ATP6V1E2: variants seen among roughly 807,000 people sequenced by gnomAD.
The protein encoded by ATP6V1E2 is ATPase H+ transporting V1 subunit E2.
For missense variants in ATP6V1E2, 308 were observed against 273.3 expected (o/e 1.13, Z -0.90); for synonymous variants, 121 against 104.2 (o/e 1.16, Z -0.98).
At chr2:46,533,201 G>T (rs1377567008) in intron 4 of ATP6V1E2, among the ~76,000 whole-genome samples, 1 of 131,740 alleles carries the variant, frequency 7.6e-6, no homozygotes, top group African/African-American at 2.9e-5. Flanking sequence ...GTGCATGTAT[G>T]TGTAGATAGA....
chr2:46,533,376 G>A (rs555000994), intron 4 of ATP6V1E2, among the ~76,000 whole-genome samples: 7 of 152,118 alleles, frequency 4.6e-5, no homozygotes, highest in East Asian at 1.9e-4. Context: ...GGGCTCAAGT[G>A]ATCTTTCCAC....
At chr2:46,524,749 C>A (rs1411166663) in intron 4 of ATP6V1E2, among the ~76,000 whole-genome samples, 1 of 152,028 alleles carries the variant, frequency 6.6e-6, no homozygotes, top group East Asian at 1.9e-4. Flanking sequence ...GAGAACACTG[C>A]GGGCAAAGGC....
chr2:46,541,629 A>G (rs1009979126), intron 1 of ATP6V1E2, 176 bp from the exon 2 acceptor site: 12 of 152,230 alleles, frequency 7.9e-5, no homozygotes, highest in African/African-American at 2.9e-4. Context: ...CTGCCTCTCA[A>G]TGCTGCATTT....
intron 4 of ATP6V1E2, among the ~76,000 whole-genome samples, chr2:46,527,202 C>T (rs1403327805): frequency 6.6e-6 from 1 of 152,050 alleles, no homozygotes; most frequent in African/African-American, 2.4e-5. Context: ...TACAGGTGCA[C>T]ACCATCGTGT....
At chr2:46,525,758 A>G (rs1269494121) in intron 4 of ATP6V1E2, among the ~76,000 whole-genome samples, 5 of 152,222 alleles carry the variant, frequency 3.3e-5, no homozygotes, top group African/African-American at 1.2e-4. Flanking sequence ...CTTTCTCCCA[A>G]AATAATTTAC....
chr2:46,532,517 A>G (rs1667233779), intron 4 of ATP6V1E2, among the ~76,000 whole-genome samples: 1 of 152,128 alleles, frequency 6.6e-6, no homozygotes, highest in Non-Finnish European at 1.5e-5. Flanking sequence ...TCCAAAATTT[A>G]TGTTGGAACT....
intron 4 of ATP6V1E2, among the ~76,000 whole-genome samples, chr2:46,527,711 T>G (rs1421297871): frequency 6.6e-6 from 1 of 152,098 alleles, no homozygotes; most frequent in Admixed American, 6.5e-5. Context: ...ATAATAGCCA[T>G]CCTAATGGAT....
At chr2:46,519,836 C>T (rs1417061704) in intron 4 of ATP6V1E2, 1 of 152,194 alleles carries the variant, frequency 6.6e-6, no homozygotes, top group African/African-American at 2.4e-5. Flanking sequence ...CATAGTTGTT[C>T]TGTGTGTACA....
chr2:46,524,630 G>A (rs1226834986), intron 4 of ATP6V1E2, among the ~76,000 whole-genome samples: 1 of 152,186 alleles, frequency 6.6e-6, no homozygotes, highest in Non-Finnish European at 1.5e-5. Flanking sequence ...CACTTCAGCC[G>A]AGGTAGCAGC....
At chr2:46,524,345 C>T (rs931181296) in intron 4 of ATP6V1E2, among the ~76,000 whole-genome samples, 2 of 152,066 alleles carry the variant, frequency 1.3e-5, no homozygotes, top group South Asian at 2.1e-4. Context: ...AAGGCAATTT[C>T]GGAAAACTCA....
In ATP6V1E2 at chr2:46,536,714, G is replaced by C. The variant is rs1197544624; in HGVS notation, c.-309-11C>G. 4 of 152,072 alleles carry C rather than the reference G, an allele frequency of 2.6e-5. No homozygotes were observed. The highest frequency in any genetic ancestry group is 9.7e-5 in the African/African-American group (4 of 41,384). 9.4% of individuals were successfully genotyped at this position (152,072 alleles called of 1,614,324 possible). The stretch of plus-strand genomic sequence containing the variant: ...GTATTGACAATCCACCTGAAATTTG[G>C]AACAAATCACAGATTAGATTTGGAG... On this transcript the variant is annotated splice_polypyrimidine_tract_variant and intron_variant, in intron 2 of 4. Coordinates refer to ENST00000522587, the MANE Select transcript of ATP6V1E2 (RefSeq NM_001318063.2).
chr2:46,534,309 A>G (rs1164567370), intron 4 of ATP6V1E2: 1 of 152,190 alleles, frequency 6.6e-6, no homozygotes, highest in Non-Finnish European at 1.5e-5. Flanking sequence ...TCATTCCACA[A>G]TGTCTAACCT....
chr2:46,536,041 C>G (rs1025774730), intron 3 of ATP6V1E2, 114 bp from the exon 4 acceptor site: 4 of 152,176 alleles, frequency 2.6e-5, no homozygotes, highest in Admixed American at 2.0e-4. Flanking sequence ...TATTCCATAC[C>G]AGCAACCTCT....
At chr2:46,520,429 G>A (rs1228447127) in intron 4 of ATP6V1E2, among the ~76,000 whole-genome samples, 1 of 152,220 alleles carries the variant, frequency 6.6e-6, no homozygotes, top group Non-Finnish European at 1.5e-5. Context: ...GCTCTAAGTG[G>A]CACCCACTCC....
chr2:46,513,608 G>A (rs1469603104), intron 4 of ATP6V1E2, among the ~76,000 whole-genome samples: 2 of 151,776 alleles, frequency 1.3e-5, no homozygotes, highest in Admixed American at 6.6e-5. Flanking sequence ...GGTGGATCAC[G>A]AGGTCAGGAG....
Position 46,535,575 on chromosome 2 carries a change from C to A in ATP6V1E2, c.-102+238G>T, listed in dbSNP as rs1667404933. 6.6e-6 allele frequency: 1 copy of A among 152,240 alleles called. No individual in the cohort carries two copies. Among genetic ancestry groups the A allele is most frequent in the South Asian group, 2.1e-4 (1 of 4,836 alleles). 9.4% of individuals were successfully genotyped at this position (152,240 alleles called of 1,614,324 possible). A position where few individuals can be genotyped will look rare whatever the true frequency, so the allele number is the denominator to read the frequency against. On this transcript the variant is annotated intron_variant, in intron 4 of 4. Coordinates refer to ENST00000522587, the MANE Select transcript of ATP6V1E2 (RefSeq NM_001318063.2). This position sits in a 1 kb window ranked among gnomAD's most constrained non-coding sequence, Gnocchi z 4.4. ...CTAGACAACTCATGTGTACAGTTGT[C>A]ACTTCTGAACCAGGAACTCAATTAT...
At chr2:46,527,432 A>G (rs1014345866) in intron 4 of ATP6V1E2, among the ~76,000 whole-genome samples, 9 of 152,202 alleles carry the variant, frequency 5.9e-5, no homozygotes, top group South Asian at 2.1e-4. Flanking sequence ...CATGTTAGCC[A>G]GGATGGTCTC....
chr2:46,524,860 T>C (rs898545769), intron 4 of ATP6V1E2, among the ~76,000 whole-genome samples: 3 of 151,492 alleles, frequency 2.0e-5, no homozygotes, highest in Non-Finnish European at 4.4e-5. Flanking sequence ...GACACTGGGG[T>C]GTGAATGGGA....
chr2:46,516,819 T>C (rs1687730929), intron 4 of ATP6V1E2, among the ~76,000 whole-genome samples: 1 of 152,086 alleles, frequency 6.6e-6, no homozygotes, highest in South Asian at 2.1e-4. Flanking sequence ...TATAAAACAT[T>C]GCTGAAAGAA....
Sources: gnomAD v4.1 joint callset for allele counts (sites outside exome capture counted in the v4.1 genomes callset) on GRCh38, gnomAD v4.1.1 for gene constraint, Gnocchi (gnomAD v3.1) non-coding constraint, MANE v1.5 for transcripts, NCBI Gene and HGNC (gene_info 2026-07-23, HGNC 2026-07-21) for gene names.